The following STK3 variants were observed in gnomAD, a reference collection of about 807,000 sequenced individuals.
STK3 encodes serine/threonine-protein kinase 3.
A neutral mutation model predicts 58.0 loss-of-function variants in STK3; 41 were observed. That is an observed-to-expected ratio of 0.71 (90% CI 0.55 to 0.92). The LOEUF (loss-of-function observed/expected upper bound fraction) is 0.92. Ranked by LOEUF, STK3 falls within the 40% of genes least tolerant of loss-of-function variation. The pLI is 0.00. For missense variants in STK3, 479 were observed against 602.7 expected, an observed-to-expected ratio of 0.79 and a Z score of 2.15; for synonymous variants, 170 against 191.0, an observed-to-expected ratio of 0.89 and a Z score of 0.91.
intron 1 of STK3, among the ~76,000 whole-genome samples, chr8:98,812,021 G>A (rs1360649136): frequency 6.6e-6 from 1 of 152,090 alleles, no homozygotes; most frequent in African/African-American, 2.4e-5. Flanking sequence ...TGTTGGCCAG[G>A]CTGTTCTCGA....
intron 10 of STK3, among the ~76,000 whole-genome samples, chr8:98,475,913 C>T (rs966102698): frequency 6.6e-6 from 1 of 152,200 alleles, no homozygotes; most frequent in Admixed American, 6.5e-5. Context: ...ATTGACTGAA[C>T]TGTTATTTGA....
At chr8:98,720,130 T>G (rs1827292287) in intron 4 of STK3, among the ~76,000 whole-genome samples, 1 of 152,168 alleles carries the variant, frequency 6.6e-6, no homozygotes, top group Admixed American at 6.5e-5. Context: ...AAGGTTCCTA[T>G]CCCTCAATAA....
chr8:98,774,833 G>A lies in STK3; in HGVS notation c.27-14C>T. 6.6e-7 allele frequency: 1 copy of A among 1,510,240 alleles called. No homozygotes were observed. Among genetic ancestry groups the A allele is most frequent in the Non-Finnish European group, 8.8e-7 (1 of 1,130,978 alleles). 93.6% of individuals were successfully genotyped at this position (1,510,240 alleles called of 1,614,324 possible). A position where few individuals can be genotyped will look rare whatever the true frequency, so the allele number is the denominator to read the frequency against. On this transcript the variant is annotated splice_polypyrimidine_tract_variant and intron_variant, in intron 1 of 10. Transcript: ENST00000419617. ...TTTTTTAGTTTACTGATTTAAAAAA[G>A]AAAGAAGAAAGAAAATATTTTCTTT...
In STK3 at chr8:98,774,754, T is replaced by C. The variant is rs1193956217; in HGVS notation, c.92A>G (p.Glu31Gly). 3 of 1,587,476 alleles carry C rather than the reference T, an allele frequency of 1.9e-6. No homozygotes were observed. The highest frequency in any genetic ancestry group is 1.8e-5 in the Admixed American group (1 of 55,480). ...KQPEEVFDVLEKLGEGSYGSV... is the reference protein window; with the variant it reads ...KQPEEVFDVLGKLGEGSYGSV... ...TTGTACTTACCCTTCTCCAAGCTTC[T>C]CTAATACATCAAAAACTTCTTCAGG... The change falls in exon 2 of 11, where the codon GAG becomes GGG. Residue 31 changes from glutamate (E) to glycine (G), a missense_variant. Coordinates refer to ENST00000419617, the MANE Select transcript of STK3 (RefSeq NM_006281.4).
At chr8:98,451,800 T>C (rs1054618204), downstream of STK3, among the ~76,000 whole-genome samples, 4 of 151,868 alleles carry the variant, frequency 2.6e-5, no homozygotes, top group African/African-American at 9.7e-5. Flanking sequence ...TCTGTAAAAC[T>C]TCCTTGGGTC....
chr8:98,758,023 G>T (rs1034029194), intron 3 of STK3, among the ~76,000 whole-genome samples: 1 of 152,192 alleles, frequency 6.6e-6, no homozygotes, highest in Non-Finnish European at 1.5e-5. Flanking sequence ...AAAGGTTAGG[G>T]AAGAAGGGGA....
chr8:98,566,337 A>G (rs567897727), intron 8 of STK3, among the ~76,000 whole-genome samples: 110 of 152,282 alleles, frequency 7.2e-4, no homozygotes, highest in African/African-American at 2.4e-3. Context: ...TGAAAATGGC[A>G]ATTTAATTTT....
At chr8:98,698,536 G>A (rs530440284) in intron 6 of STK3, among the ~76,000 whole-genome samples, 1 of 152,276 alleles carries the variant, frequency 6.6e-6, no homozygotes, top group South Asian at 2.1e-4. Context: ...GCTTCCTTCA[G>A]GAGCTCTTTT....
At chr8:98,429,468 T>A in intron 3 of STK3, 29 of 1,285,544 alleles carry the variant, frequency 2.3e-5, no homozygotes, top group African/African-American at 4.4e-5. Context: ...CTTGTGCCTC[T>A]GGCACAGCCC....
chr8:98,671,035 G>A (rs1030610779), intron 6 of STK3, among the ~76,000 whole-genome samples: 2 of 152,098 alleles, frequency 1.3e-5, no homozygotes, highest in South Asian at 2.1e-4. Flanking sequence ...CCAGCAAAGG[G>A]GCCAAGAAAA....
In STK3 at chr8:98,455,760, G is replaced by T; in HGVS notation, c.*82C>A. 1 of 1,535,080 alleles carries T rather than the reference G, an allele frequency of 6.5e-7. No homozygotes were observed. ...GCCTAATTGTAGGGCAAAATCTTAG[G>T]ATTAAAAATATCCAAATATTCCTTC... On this transcript the variant is annotated 3_prime_UTR_variant, in exon 11 of 11. Transcript: ENST00000419617.
intron 9 of STK3, among the ~76,000 whole-genome samples, chr8:98,534,074 G>C (rs767689036): frequency 6.6e-6 from 1 of 152,146 alleles, no homozygotes; most frequent in Non-Finnish European, 1.5e-5. Flanking sequence ...ATTATTATTA[G>C]GCTGGTGCAA....
At chr8:98,940,913 T>C (rs1840394970) in intron 1 of STK3, among the ~76,000 whole-genome samples, 1 of 152,236 alleles carries the variant, frequency 6.6e-6, no homozygotes, top group Non-Finnish European at 1.5e-5. Flanking sequence ...GTGGAGAAGC[T>C]TATTGGCCCT....
chr8:98,704,487 T>C (rs1825828759), intron 6 of STK3, among the ~76,000 whole-genome samples: 1 of 151,942 alleles, frequency 6.6e-6, no homozygotes, highest in Non-Finnish European at 1.5e-5. Flanking sequence ...GAAATTTACT[T>C]GGGCGATAGC....
intron 1 of STK3, chr8:98,782,417 G>T: frequency 4.0e-6 from 1 of 249,084 alleles, no homozygotes; most frequent in South Asian, 5.9e-5. Context: ...TGTACCTGAA[G>T]GTAAAGGGGA....
At chr8:98,509,914 A>C (rs949289689) in intron 10 of STK3, among the ~76,000 whole-genome samples, 6 of 152,070 alleles carry the variant, frequency 3.9e-5, no homozygotes, top group African/African-American at 1.2e-4. Flanking sequence ...ATGCTTATTG[A>C]CATTTATTCA....
chr8:98,482,271 T>A (rs1477679046), intron 10 of STK3, among the ~76,000 whole-genome samples: 1 of 152,210 alleles, frequency 6.6e-6, no homozygotes. Flanking sequence ...ATCCAAAGGC[T>A]GTGATTCCTA....
At chr8:98,525,709 G>A (rs1454993778) in intron 10 of STK3, among the ~76,000 whole-genome samples, 1 of 151,882 alleles carries the variant, frequency 6.6e-6, no homozygotes, top group East Asian at 1.9e-4. Flanking sequence ...GCTAATATTT[G>A]CTAGCAATTA....
chr8:98,495,774 T>C (rs561656670), intron 10 of STK3, among the ~76,000 whole-genome samples: 1 of 152,230 alleles, frequency 6.6e-6, no homozygotes, highest in Non-Finnish European at 1.5e-5. Flanking sequence ...CTGTATATAC[T>C]TTTGTCTCAC....
Sources: allele counts gnomAD v4.1 joint callset (sites outside exome capture counted in the v4.1 genomes callset), GRCh38; gene constraint gnomAD v4.1.1; transcripts MANE v1.5; gene names NCBI Gene and HGNC (gene_info 2026-07-23, HGNC 2026-07-21).